The following ELOVL2 variants were observed in gnomAD, a reference collection of about 807,000 sequenced individuals.
The protein encoded by ELOVL2 is ELOVL fatty acid elongase 2, also known as very long chain fatty acid elongase 2.
A neutral mutation model predicts 37.7 loss-of-function variants in ELOVL2; 38 were observed. The ratio of observed to expected loss-of-function variants is 1.01; its 90% confidence interval spans 0.78 to 1.32. The LOEUF (loss-of-function observed/expected upper bound fraction) is 1.32, where lower values mean the gene tolerates loss of function less well. Ranked by LOEUF, ELOVL2 falls within the 40% of genes most tolerant of loss-of-function variation. The pLI, the probability that ELOVL2 is intolerant of heterozygous loss-of-function variation, is 0.00. For synonymous variants in ELOVL2, 115 were observed against 122.3 expected, an observed-to-expected ratio of 0.94 and a Z score of 0.40; for missense variants, 352 against 363.6, an observed-to-expected ratio of 0.97 and a Z score of 0.26.
intron 7 of ELOVL2, among the ~76,000 whole-genome samples, chr6:10,985,029 T>A (rs1053734742): frequency 1.4e-4 from 22 of 152,176 alleles, no homozygotes; most frequent in African/African-American, 4.6e-4. Context: ...GCACCTGTTG[T>A]TTCCTGACTT....
At chr6:10,994,480 A>AG (rs1189882047) in intron 5 of ELOVL2, among the ~76,000 whole-genome samples, 16 of 131,560 alleles carry the variant, frequency 1.2e-4, no homozygotes, top group Middle Eastern at 3.6e-3. Flanking sequence ...AAAAAAAAAA[A>AG]AAAGAACAAA....
intron 3 of ELOVL2, among the ~76,000 whole-genome samples, chr6:11,004,016 G>C (rs929825104): frequency 6.6e-6 from 1 of 151,826 alleles, no homozygotes; most frequent in Non-Finnish European, 1.5e-5. Flanking sequence ...CCAGGAGGTG[G>C]AGGTTGCAGT....
Position 11,044,298 on chromosome 6 carries a change from C to T in ELOVL2, c.-68G>A. On this transcript the variant is annotated 5_prime_UTR_variant, in exon 1 of 8. Transcript: ENST00000354666. This position sits in a 1 kb window ranked among gnomAD's most constrained non-coding sequence, Gnocchi z 5.6. ...TGCGCTGTCCAGGGTAGCCGGGTCC[C>T]TCTGCCCGGCGCTATCTCGGCGCCC... 8.1e-7 allele frequency: 1 copy of T among 1,229,582 alleles called. No individual in the cohort carries two copies. The highest frequency in any genetic ancestry group is 4.5e-5 in the Admixed American group (1 of 22,380). The allele number at this position is 1,229,582 out of a possible 1,614,324, so 76.2% of individuals were successfully genotyped here.
rs574736332 is a variant in ELOVL2, at chr6:11,027,431, C to A, written c.4-16622G>T. Reference sequence around the variant, plus strand: ...CAAAGCCGGAAATAATTGGTTTCTACAATAATTCTGATAGAAATTTACCCA... The same window carrying A: ...CAAAGCCGGAAATAATTGGTTTCTAAAATAATTCTGATAGAAATTTACCCA... On this transcript the variant is annotated intron_variant, in intron 1 of 7. Coordinates refer to ENST00000354666, the MANE Select transcript of ELOVL2 (RefSeq NM_017770.4). 1.1e-4 allele frequency among the ~76,000 whole-genome samples: 17 copies of A among 152,258 alleles called. 1 individual carries two copies. In the South Asian group the frequency reaches 3.1e-3, roughly 28 times the overall value.
At chr6:10,994,702 A>C (rs1782232318) in intron 5 of ELOVL2, among the ~76,000 whole-genome samples, 3 of 152,212 alleles carry the variant, frequency 2.0e-5, no homozygotes, top group African/African-American at 7.2e-5. Context: ...ACAGGAGTCA[A>C]AACAGCGCCC....
At chr6:11,043,188 A>G (rs546771248) in intron 1 of ELOVL2, among the ~76,000 whole-genome samples, 42 of 152,260 alleles carry the variant, frequency 2.8e-4, no homozygotes, top group African/African-American at 9.6e-4. Context: ...AAGAGAAAGG[A>G]AGTGCGCTTA....
intron 7 of ELOVL2, among the ~76,000 whole-genome samples, chr6:10,985,345 T>G (rs1251514870): frequency 6.6e-6 from 1 of 151,896 alleles, no homozygotes; most frequent in African/African-American, 2.4e-5. Flanking sequence ...TCTTTTGCTG[T>G]GCAGAAGTTC....
intron 1 of ELOVL2, among the ~76,000 whole-genome samples, chr6:11,013,811 G>A (rs1782624140): frequency 6.7e-6 from 1 of 149,424 alleles, no homozygotes; most frequent in South Asian, 2.1e-4. Flanking sequence ...ACTGGCCTGA[G>A]CCCCACACTT....
rs1440175792 is a variant in ELOVL2 at position 11,023,561 on chromosome 6, G to C, written c.4-12752C>G. ...TTATTTTACTGTTAATACTGAGCAA[G>C]AGACAATCTGTGAGTCATCCGGACA... On this transcript the variant is annotated intron_variant, in intron 1 of 7. Coordinates refer to ENST00000354666, the MANE Select transcript of ELOVL2 (RefSeq NM_017770.4). 2.0e-5 allele frequency among the ~76,000 whole-genome samples: 3 copies of C among 152,278 alleles called. No homozygotes were observed. In the East Asian group the frequency reaches 5.8e-4, roughly 29 times the overall value.
At position 10,992,812 on chromosome 6, in the gene ELOVL2, A is replaced by AAC. The variant is rs796133655; in HGVS notation, c.505+2194_505+2195insGT. On this transcript the variant is annotated intron_variant, in intron 5 of 7. Coordinates refer to ENST00000354666, the MANE Select transcript of ELOVL2 (RefSeq NM_017770.4). ...AAAAAAAACAAAACAAAAAAAAACA[A>AAC]AAAAAAACAGGATTAAAAAATATAT... Among the ~76,000 whole-genome samples the AAC allele has an allele frequency of 2.1e-3, 308 of 147,304 alleles. 1 individual carries two copies. The highest frequency in any genetic ancestry group is 7.2e-3 in the African/African-American group (289 of 40,096).
intron 2 of ELOVL2, among the ~76,000 whole-genome samples, chr6:11,010,424 G>A (rs1782555168): frequency 6.6e-6 from 1 of 152,196 alleles, no homozygotes; most frequent in African/African-American, 2.4e-5. Context: ...GCAGTGGAGA[G>A]GAAACAAGAA....
At chr6:11,040,965 G>C (rs889849846) in intron 1 of ELOVL2, among the ~76,000 whole-genome samples, 1 of 152,106 alleles carries the variant, frequency 6.6e-6, no homozygotes, top group African/African-American at 2.4e-5. Context: ...TTATTAAATG[G>C]TTAGATTTAA....
intron 7 of ELOVL2, among the ~76,000 whole-genome samples, chr6:10,984,607 G>C (rs1030609861): frequency 6.8e-6 from 1 of 146,866 alleles, no homozygotes; most frequent in Non-Finnish European, 1.5e-5. Flanking sequence ...GAGAACATGC[G>C]GTGTTTGGTT....
intron 4 of ELOVL2, among the ~76,000 whole-genome samples, chr6:10,995,635 T>C (rs1229784843): frequency 6.6e-6 from 1 of 152,232 alleles, no homozygotes; most frequent in Non-Finnish European, 1.5e-5. Flanking sequence ...TTAATATTCC[T>C]CTTAAATGCC....
At chr6:11,000,043 A>G (rs199632843) in intron 4 of ELOVL2, 44 bp downstream of exon 4, 45 of 1,573,890 alleles carry the variant, frequency 2.9e-5, no homozygotes, top group African/African-American at 2.4e-4. Flanking sequence ...CTCCTTGTCA[A>G]TGGGAACTGG....
chr6:10,997,320 C>T (rs1782287729), intron 4 of ELOVL2, among the ~76,000 whole-genome samples: 1 of 151,964 alleles, frequency 6.6e-6, no homozygotes, highest in African/African-American at 2.4e-5. Context: ...TTAACATAAC[C>T]ATGAAGTCAT....
chr6:11,019,242 TTTC>T (rs957567951), intron 1 of ELOVL2, among the ~76,000 whole-genome samples: 2 of 152,186 alleles, frequency 1.3e-5, no homozygotes, highest in African/African-American at 2.4e-5. Flanking sequence ...CTATTGAATA[TTTC>T]TTCATTTCAG....
At chr6:11,004,756 T>C (rs1782450113) in intron 3 of ELOVL2, among the ~76,000 whole-genome samples, 6 of 152,232 alleles carry the variant, frequency 3.9e-5, no homozygotes, top group Admixed American at 3.9e-4. Flanking sequence ...ATGAAACTTT[T>C]CTAAGCCTCA....
intron 1 of ELOVL2, among the ~76,000 whole-genome samples, chr6:11,025,189 G>A (rs147772809): frequency 0.018 from 2,809 of 152,226 alleles, 47 homozygotes; most frequent in Middle Eastern, 0.024. Flanking sequence ...CTAAGTAATA[G>A]CAGATTCAAG....
Sources: allele counts gnomAD v4.1 joint callset (sites outside exome capture counted in the v4.1 genomes callset), GRCh38; gene constraint gnomAD v4.1.1; non-coding constraint Gnocchi (gnomAD v3.1); transcripts MANE v1.5; gene names NCBI Gene and HGNC (gene_info 2026-07-23, HGNC 2026-07-21).